The following PTPRG variants were observed in gnomAD, a reference collection of about 807,000 sequenced individuals.
PTPRG encodes protein tyrosine phosphatase receptor type G.
In PTPRG, 102 loss-of-function variants were observed where a neutral mutation model predicts 165.3. That is an observed-to-expected ratio of 0.62 (90% CI 0.53 to 0.73). The LOEUF (loss-of-function observed/expected upper bound fraction) is 0.73. Among genes scored for constraint, PTPRG ranks in the 30% least tolerant of loss-of-function variants. The pLI, the probability that PTPRG is intolerant of heterozygous loss-of-function variation, is 0.00. For synonymous variants in PTPRG, 675 were observed against 669.5 expected, an observed-to-expected ratio of 1.01 and a Z score of -0.13; for missense variants, 1,866 against 1,861.4, an observed-to-expected ratio of 1.00 and a Z score of -0.05.
At chr3:62,070,222 T>C (rs2106724863) in intron 4 of PTPRG, among the ~76,000 whole-genome samples, 1 of 152,334 alleles carries the variant, frequency 6.6e-6, no homozygotes, top group Middle Eastern at 3.4e-3. Context: ...AGTAACATAA[T>C]CTGTATTTAG....
At chr3:62,037,068 T>C (rs11712134) in intron 4 of PTPRG, among the ~76,000 whole-genome samples, 3 of 152,030 alleles carry the variant, frequency 2.0e-5, no homozygotes, top group Admixed American at 6.5e-5. Flanking sequence ...TAATCTTTGC[T>C]TGCATTATCT....
rs1033782579 is a variant in PTPRG at position 61,752,654 on chromosome 3, C to G, written c.190+3672C>G. Among the ~76,000 whole-genome samples the G allele has an allele frequency of 2.0e-5, 3 of 151,346 alleles. No individual in the cohort carries two copies. In the East Asian group the frequency reaches 5.8e-4, roughly 29 times the overall value. ...TACAAAAATTAGCTGGGTGTGGTGGCGGGCACCTATAATCCCAGCTACTCG... is the reference window on the plus strand; with the variant it reads ...TACAAAAATTAGCTGGGTGTGGTGGGGGGCACCTATAATCCCAGCTACTCG... On this transcript the variant is annotated intron_variant, in intron 2 of 29. Transcript: ENST00000474889.
chr3:62,105,322 A>C (rs1291076744), intron 5 of PTPRG, among the ~76,000 whole-genome samples: 1 of 152,196 alleles, frequency 6.6e-6, no homozygotes, highest in Non-Finnish European at 1.5e-5. Context: ...GATCTGAGTT[A>C]ATTACTGCCA....
chr3:62,046,890 G>A (rs1170011968), intron 4 of PTPRG, among the ~76,000 whole-genome samples: 1 of 152,146 alleles, frequency 6.6e-6, no homozygotes, highest in Non-Finnish European at 1.5e-5. Flanking sequence ...CCATTTATGG[G>A]GCACTTACAG....
intron 7 of PTPRG, among the ~76,000 whole-genome samples, chr3:62,159,234 G>A (rs932843646): frequency 4.6e-5 from 7 of 152,054 alleles, no homozygotes; most frequent in Non-Finnish European, 8.8e-5. Context: ...GGGAGGCTGA[G>A]GGGGGAGGAT....
intron 7 of PTPRG, among the ~76,000 whole-genome samples, chr3:62,162,425 T>A (rs969754456): frequency 6.6e-6 from 1 of 152,228 alleles, no homozygotes; most frequent in Non-Finnish European, 1.5e-5. Context: ...CTTTCATTTA[T>A]TTTTACTAAA....
At chr3:61,817,174 TATATA>T in intron 2 of PTPRG, among the ~76,000 whole-genome samples, 1 of 120,770 alleles carries the variant, frequency 8.3e-6, no homozygotes, top group South Asian at 2.4e-4. Flanking sequence ...TATATAATAA[TATATA>T]ATATATAAAA....
intron 2 of PTPRG, among the ~76,000 whole-genome samples, chr3:61,961,890 A>G (rs1483469480): frequency 1.3e-5 from 2 of 152,172 alleles, no homozygotes; most frequent in African/African-American, 4.8e-5. Flanking sequence ...GGTGATGCGC[A>G]TGTGGCTAGA....
chr3:61,829,150 C>T (rs1351537910), intron 2 of PTPRG, among the ~76,000 whole-genome samples: 2 of 152,132 alleles, frequency 1.3e-5, no homozygotes, highest in Non-Finnish European at 2.9e-5. Context: ...AGTATTTGTT[C>T]CGACTCATGC....
At chr3:61,577,365 G>A (rs1575513272) in intron 1 of PTPRG, among the ~76,000 whole-genome samples, 1 of 152,144 alleles carries the variant, frequency 6.6e-6, no homozygotes, top group African/African-American at 2.4e-5. Context: ...TTTGCTTAAT[G>A]AATGTGAAAT....
chr3:61,939,847 G>A (rs1408329569), intron 2 of PTPRG, among the ~76,000 whole-genome samples: 1 of 148,840 alleles, frequency 6.7e-6, no homozygotes, highest in Non-Finnish European at 1.5e-5. Flanking sequence ...TGGAGAAAGA[G>A]AGTAACATTT....
At chr3:61,563,128 G>C (rs1356160302) in intron 1 of PTPRG, among the ~76,000 whole-genome samples, 1 of 150,864 alleles carries the variant, frequency 6.6e-6, no homozygotes, top group Non-Finnish European at 1.5e-5. Context: ...GTCTGGACGC[G>C]GGGAGGGGGC....
rs59191628 is a variant in PTPRG, at chr3:62,048,921, G to A, written c.520-29242G>A. Among the ~76,000 whole-genome samples, 1,208 of 152,294 alleles carry A rather than the reference G, an allele frequency of 7.9e-3. 20 individuals carry two copies. The highest frequency in any genetic ancestry group is 0.026 in the African/African-American group (1,081 of 41,570). On this transcript the variant is annotated intron_variant, in intron 4 of 29. Transcript: ENST00000474889. The stretch of plus-strand genomic sequence containing the variant: ...TAATTAAAGGCGCTGAGTAAAGGGA[G>A]TTTGAGATAAGCTTGAACAAGTAGA...
At chr3:61,589,585 A>G (rs938652729) in intron 1 of PTPRG, among the ~76,000 whole-genome samples, 13 of 152,058 alleles carry the variant, frequency 8.5e-5, no homozygotes, top group African/African-American at 3.1e-4. Context: ...TTGGTGACTC[A>G]AAGTCATTCT....
At chr3:61,616,085 G>A (rs1443951182) in intron 1 of PTPRG, among the ~76,000 whole-genome samples, 1 of 152,166 alleles carries the variant, frequency 6.6e-6, no homozygotes, top group Non-Finnish European at 1.5e-5. Context: ...CAAGTAGCTG[G>A]AATTATAGTC....
intron 1 of PTPRG, among the ~76,000 whole-genome samples, chr3:61,632,215 G>A (rs1701789621): frequency 6.6e-6 from 1 of 152,182 alleles, no homozygotes; most frequent in Non-Finnish European, 1.5e-5. Context: ...GGCTGAGGCA[G>A]GAGGATCACC....
chr3:61,605,949 A>G (rs1271888072), intron 1 of PTPRG, among the ~76,000 whole-genome samples: 2 of 152,264 alleles, frequency 1.3e-5, no homozygotes, highest in Non-Finnish European at 2.9e-5. Flanking sequence ...ATGCTGCCTT[A>G]AAAGGGCATG....
chr3:62,294,399 GTCTTGGGACTATC>G lies in PTPRG; in HGVS notation c.*1094_*1106del, dbSNP rs1364383208. 6.6e-6 allele frequency: 1 copy of G among 152,058 alleles called. No individual in the cohort carries two copies. The highest frequency in any genetic ancestry group is 1.5e-5 in the Non-Finnish European group (1 of 68,004). The allele number at this position is 152,058 out of a possible 1,614,324, so 9.4% of individuals were successfully genotyped here. A position where few individuals can be genotyped will look rare whatever the true frequency, so the allele number is the denominator to read the frequency against. ...AATTGGAAATACTGTCTTAGCAAAA[GTCTTGGGACTATC>G]TAAACTCCCACACATAGATAAATCT... On this transcript the variant is annotated 3_prime_UTR_variant, in exon 30 of 30. Transcript: ENST00000474889.
intron 2 of PTPRG, among the ~76,000 whole-genome samples, chr3:61,888,055 G>T (rs186775236): frequency 6.6e-6 from 1 of 152,272 alleles, no homozygotes; most frequent in East Asian, 1.9e-4. Context: ...TTATGTGATG[G>T]TGAATCACGT....
Sources: allele counts gnomAD v4.1 joint callset (sites outside exome capture counted in the v4.1 genomes callset), GRCh38; gene constraint gnomAD v4.1.1; transcripts MANE v1.5; gene names NCBI Gene and HGNC (gene_info 2026-07-23, HGNC 2026-07-21).